Variants in SPIDR observed in about 807,000 individuals in gnomAD.
SPIDR encodes the protein scaffold protein involved in DNA repair, also known as DNA repair-scaffolding protein.
A neutral mutation model predicts 104.6 loss-of-function variants in SPIDR; 93 were observed. The observed-to-expected ratio is 0.89, with a 90% CI of 0.75 to 1.06. The LOEUF (loss-of-function observed/expected upper bound fraction) is 1.06. Ranked by LOEUF, SPIDR falls within the 50% of genes least tolerant of loss-of-function variation. SPIDR has a pLI of 0.00. For synonymous variants in SPIDR, 431 were observed against 416.9 expected, an observed-to-expected ratio of 1.03 and a Z score of -0.41; for missense variants, 1,154 against 1,111.2, an observed-to-expected ratio of 1.04 and a Z score of -0.55.
chr8:47,589,010 G>C (rs1318059699), intron 8 of SPIDR, among the ~76,000 whole-genome samples: 1 of 139,870 alleles, frequency 7.1e-6, no homozygotes, highest in African/African-American at 2.7e-5. Flanking sequence ...GAGGTATATT[G>C]GTTTATAGTT....
Position 47,735,587 on chromosome 8 carries a change from T to C in SPIDR, c.*137T>C. 6.6e-7 allele frequency: 1 copy of C among 1,505,488 alleles called. No homozygotes were observed. The allele number at this position is 1,505,488 out of a possible 1,614,324, so 93.3% of individuals were successfully genotyped here. The stretch of plus-strand genomic sequence containing the variant: ...TCTTGAAATGAAACTTAGATTTTTC[T>C]GGGGAAATGTTCAGATACAGTTTTG... On this transcript the variant is annotated 3_prime_UTR_variant, in exon 20 of 20. Transcript: ENST00000297423.
At chr8:47,357,911 C>T (rs2054882987) in intron 5 of SPIDR, 1 of 973,406 alleles carries the variant, frequency 1.0e-6, no homozygotes, top group South Asian at 4.8e-5. Flanking sequence ...AAGAAGTACT[C>T]ACCTGTGATT....
At chr8:47,473,923 C>T (rs1265310600) in intron 8 of SPIDR, among the ~76,000 whole-genome samples, 1 of 152,182 alleles carries the variant, frequency 6.6e-6, no homozygotes, top group Admixed American at 6.5e-5. Context: ...TTTTTATTCT[C>T]ATCCACACCT....
At position 47,565,646 on chromosome 8, in the gene SPIDR, ATTC is replaced by A. The variant is rs886114064; in HGVS notation, c.1098-30162_1098-30160del. 1.9e-4 allele frequency among the ~76,000 whole-genome samples: 29 copies of A among 151,898 alleles called. 1 individual carries two copies. The highest frequency in any genetic ancestry group is 3.4e-3 in the Middle Eastern group (1 of 290). On this transcript the variant is annotated intron_variant, in intron 8 of 19. Coordinates refer to ENST00000297423, the MANE Select transcript of SPIDR (RefSeq NM_001080394.4). ...TATTTTATAGTCTTTACTCATTTGT[ATTC>A]TTTTTTTATTGTTGCAATTAAATTA...
At chr8:47,585,228 A>G (rs2060143075) in intron 8 of SPIDR, among the ~76,000 whole-genome samples, 1 of 152,222 alleles carries the variant, frequency 6.6e-6, no homozygotes, top group Non-Finnish European at 1.5e-5. Flanking sequence ...GAAATTTTGC[A>G]TAAAGCCAAA....
At chr8:47,697,315 C>T (rs2079475620) in intron 11 of SPIDR, among the ~76,000 whole-genome samples, 2 of 150,922 alleles carry the variant, frequency 1.3e-5, no homozygotes, top group African/African-American at 4.9e-5. Flanking sequence ...AAGATAAAAA[C>T]AACACTTATA....
intron 7 of SPIDR, among the ~76,000 whole-genome samples, chr8:47,416,745 A>ATATC (rs1286295328): frequency 3.3e-5 from 5 of 152,084 alleles, no homozygotes; most frequent in Admixed American, 1.3e-4. Context: ...AACATTAGGT[A>ATATC]TATCTCCTAA....
At chr8:47,425,621 G>T (rs1554684137) in intron 7 of SPIDR, among the ~76,000 whole-genome samples, 1 of 152,032 alleles carries the variant, frequency 6.6e-6, no homozygotes, top group African/African-American at 2.4e-5. Flanking sequence ...TATATTTTGT[G>T]TAATAGATTT....
rs547240956 is a variant in SPIDR at position 47,712,676 on chromosome 8, G to T, written c.1992G>T (p.Leu664=). The change falls in exon 15 of 20, where the codon CTG becomes CTT. Residue 664 remains leucine, a synonymous_variant. Transcript: ENST00000297423. ...TCAAATTGTAGCTGAAGAGTCTGCT[G>T]CTTCTGGAGCAAAGGGAGATCTGGC... ...IYQKPQLKSL[L]LLEQREIWLL... 17 of 1,614,032 alleles carry T rather than the reference G, an allele frequency of 1.1e-5. No individual in the cohort carries two copies. Among genetic ancestry groups the T allele is most frequent in the African/African-American group, 2.7e-5 (2 of 75,024 alleles).
At chr8:47,664,088 C>T (rs906051638) in intron 10 of SPIDR, among the ~76,000 whole-genome samples, 2 of 152,192 alleles carry the variant, frequency 1.3e-5, no homozygotes, top group African/African-American at 4.8e-5. Flanking sequence ...TAGAGACTAA[C>T]CTGGGGCTCT....
At chr8:47,262,777 G>A (rs558234800) in intron 1 of SPIDR, among the ~76,000 whole-genome samples, 10 of 152,318 alleles carry the variant, frequency 6.6e-5, no homozygotes, top group Non-Finnish European at 1.5e-4. Flanking sequence ...TTGGAGGCTG[G>A]CTTCCACAGT....
intron 10 of SPIDR, among the ~76,000 whole-genome samples, chr8:47,641,521 T>TA (rs2068998994): frequency 6.6e-6 from 1 of 152,240 alleles, no homozygotes; most frequent in Admixed American, 6.5e-5. Context: ...TAAAACAGTA[T>TA]GGCCATTACA....
intron 8 of SPIDR, among the ~76,000 whole-genome samples, chr8:47,471,336 A>G: frequency 6.6e-6 from 1 of 152,032 alleles, no homozygotes; most frequent in East Asian, 1.9e-4. Context: ...AAAAAAAAAA[A>G]AAAAAACAGC....
intron 8 of SPIDR, among the ~76,000 whole-genome samples, chr8:47,588,085 A>T (rs1190344735): frequency 3.8e-4 from 39 of 103,244 alleles, no homozygotes; most frequent in African/African-American, 1.4e-3. Context: ...ATATATATAT[A>T]TACACGTATG....
chr8:47,436,333 C>G (rs1235449192), intron 7 of SPIDR, among the ~76,000 whole-genome samples: 1 of 152,128 alleles, frequency 6.6e-6, no homozygotes, highest in Non-Finnish European at 1.5e-5. Flanking sequence ...GAAAATGTTG[C>G]CTGGTAGCAC....
intron 7 of SPIDR, among the ~76,000 whole-genome samples, chr8:47,419,741 C>G (rs1160978414): frequency 6.6e-6 from 1 of 151,972 alleles, no homozygotes. Flanking sequence ...TTCCTGCTTT[C>G]TCTTGTGGGC....
At chr8:47,266,311 A>G (rs1554546679) in intron 1 of SPIDR, among the ~76,000 whole-genome samples, 2 of 151,790 alleles carry the variant, frequency 1.3e-5, no homozygotes, top group East Asian at 3.9e-4. Context: ...TTTGTATTTT[A>G]GTAGAGACAG....
intron 11 of SPIDR, among the ~76,000 whole-genome samples, chr8:47,679,363 G>A (rs907251602): frequency 6.6e-6 from 1 of 152,168 alleles, no homozygotes; most frequent in African/African-American, 2.4e-5. Context: ...CATGGCACGT[G>A]CCTGCCTTCC....
chr8:47,452,227 T>A (rs1242798650), intron 8 of SPIDR, among the ~76,000 whole-genome samples: 1 of 152,096 alleles, frequency 6.6e-6, no homozygotes, highest in African/African-American at 2.4e-5. Context: ...GCTTATTTCT[T>A]ATCAGAAACT....
Sources: allele counts gnomAD v4.1 joint callset (sites outside exome capture counted in the v4.1 genomes callset), GRCh38; gene constraint gnomAD v4.1.1; transcripts MANE v1.5; gene names NCBI Gene and HGNC (gene_info 2026-07-23, HGNC 2026-07-21).